Variants in UNC5D observed in about 807,000 individuals in gnomAD.
UNC5D encodes unc-5 netrin receptor D, also known as netrin receptor UNC5D.
UNC5D carries 39 observed loss-of-function variants against 105.4 expected under a neutral mutation model. That is an observed-to-expected ratio of 0.37 (90% CI 0.29 to 0.48). UNC5D has a LOEUF of 0.48. UNC5D is among the 20% of genes least tolerant of loss of function. The pLI is 0.98. For synonymous variants in UNC5D, 452 were observed against 450.4 expected, an observed-to-expected ratio of 1.00 and a Z score of -0.04; for missense variants, 991 against 1,202.4, an observed-to-expected ratio of 0.82 and a Z score of 2.60.
At chr8:35,464,733 T>C (rs1347287143) in intron 1 of UNC5D, among the ~76,000 whole-genome samples, 1 of 152,234 alleles carries the variant, frequency 6.6e-6, no homozygotes, top group Non-Finnish European at 1.5e-5. Context: ...TTTTATTGAC[T>C]CATGTAGCTT....
At chr8:35,463,666 G>A (rs533771389) in intron 1 of UNC5D, among the ~76,000 whole-genome samples, 25 of 150,210 alleles carry the variant, frequency 1.7e-4, no homozygotes, top group East Asian at 3.9e-4. Flanking sequence ...CACACCTGCC[G>A]TCCCAGCTAC....
chr8:35,510,820 G>A (rs992411140), intron 1 of UNC5D, among the ~76,000 whole-genome samples: 2 of 152,128 alleles, frequency 1.3e-5, no homozygotes, highest in Non-Finnish European at 2.9e-5. Flanking sequence ...CCAGGAAAAT[G>A]GATGTTTTCA....
chr8:35,580,798 T>C (rs2589351), intron 3 of UNC5D, among the ~76,000 whole-genome samples: 15,905 of 152,212 alleles, frequency 0.1, 888 homozygotes, highest in African/African-American at 0.14. Context: ...AGTCAACTCC[T>C]TCCCAAAGTT....
chr8:35,401,045 A>G (rs1394383244), intron 1 of UNC5D, among the ~76,000 whole-genome samples: 1 of 152,194 alleles, frequency 6.6e-6, no homozygotes, highest in Non-Finnish European at 1.5e-5. Flanking sequence ...ATAAACATCA[A>G]CATTATATAA....
intron 1 of UNC5D, among the ~76,000 whole-genome samples, chr8:35,360,330 C>A (rs913524428): frequency 6.6e-6 from 1 of 152,126 alleles, no homozygotes; most frequent in Non-Finnish European, 1.5e-5. Flanking sequence ...ATACTAGAAG[C>A]TTTCATTTTT....
intron 1 of UNC5D, among the ~76,000 whole-genome samples, chr8:35,336,541 C>G (rs1811055047): frequency 6.6e-6 from 1 of 152,116 alleles, no homozygotes; most frequent in Non-Finnish European, 1.5e-5. Flanking sequence ...AATGCTGCTA[C>G]TCTTTTGGTC....
At chr8:35,459,018 C>T (rs571141142) in intron 1 of UNC5D, among the ~76,000 whole-genome samples, 1 of 152,234 alleles carries the variant, frequency 6.6e-6, no homozygotes, top group African/African-American at 2.4e-5. Context: ...TTATTTCTCC[C>T]TTGACCTCCA....
In UNC5D at chr8:35,559,614, T is replaced by C. The variant is rs573070070; in HGVS notation, c.323-8484T>C. On this transcript the variant is annotated intron_variant, in intron 2 of 16. Coordinates refer to ENST00000404895, the MANE Select transcript of UNC5D (RefSeq NM_080872.4). ...GGGCTGGGGTTGGCATGGTACTGAATGTTAACTACTATTCCAGAATTCTCT... is the reference window on the plus strand; with the variant it reads ...GGGCTGGGGTTGGCATGGTACTGAACGTTAACTACTATTCCAGAATTCTCT... Among the ~76,000 whole-genome samples the C allele has an allele frequency of 2.0e-5, 3 of 152,346 alleles. No homozygotes were observed. In the East Asian group the frequency reaches 5.8e-4, roughly 29 times the overall value.
chr8:35,767,179 A>G, intron 15 of UNC5D, 113 bp downstream of exon 15: 1 of 1,256,490 alleles, frequency 8.0e-7, no homozygotes, highest in Non-Finnish European at 1.1e-6. Flanking sequence ...CAAAATGCAC[A>G]AACTCTTCAT....
chr8:35,347,445 C>T (rs1429009516), intron 1 of UNC5D, among the ~76,000 whole-genome samples: 1 of 151,970 alleles, frequency 6.6e-6, no homozygotes, highest in East Asian at 1.9e-4. Context: ...TCGTTATTTT[C>T]ATTGCAGCCA....
intron 1 of UNC5D, among the ~76,000 whole-genome samples, chr8:35,386,375 G>A (rs1392135069): frequency 6.6e-6 from 1 of 152,144 alleles, no homozygotes; most frequent in East Asian, 1.9e-4. Context: ...AAATCACTCA[G>A]CCCTGAGAGC....
At chr8:35,276,786 G>A (rs1164321820) in intron 1 of UNC5D, among the ~76,000 whole-genome samples, 1 of 152,166 alleles carries the variant, frequency 6.6e-6, no homozygotes, top group East Asian at 1.9e-4. Context: ...TTATACAGAG[G>A]CTGTAATGTA....
intron 16 of UNC5D, 77 bp from the exon 17 acceptor site, chr8:35,790,282 T>C (rs1461680618): frequency 1.4e-6 from 2 of 1,450,290 alleles, no homozygotes; most frequent in African/African-American, 1.4e-5. Context: ...CATTTTTAAT[T>C]CTCTTATGGT....
intron 1 of UNC5D, among the ~76,000 whole-genome samples, chr8:35,317,186 C>T (rs1809371352): frequency 6.6e-6 from 1 of 152,124 alleles, no homozygotes; most frequent in Non-Finnish European, 1.5e-5. Context: ...CTTCCATCGA[C>T]ATTTTCTATT....
intron 1 of UNC5D, among the ~76,000 whole-genome samples, chr8:35,265,843 C>T (rs1804825767): frequency 6.7e-6 from 1 of 149,614 alleles, no homozygotes; most frequent in Admixed American, 6.7e-5. Flanking sequence ...GCATTCCAGC[C>T]TGAGCGACAG....
intron 1 of UNC5D, among the ~76,000 whole-genome samples, chr8:35,247,156 A>T (rs1320420362): frequency 6.6e-6 from 1 of 152,076 alleles, no homozygotes; most frequent in African/African-American, 2.4e-5. Flanking sequence ...GGCACAAAGG[A>T]ATTCAAAAGA....
intron 4 of UNC5D, among the ~76,000 whole-genome samples, chr8:35,679,015 G>A (rs1036703920): frequency 6.6e-6 from 1 of 152,036 alleles, no homozygotes; most frequent in African/African-American, 2.4e-5. Context: ...CACTTTAAGA[G>A]GCCAAGGTGG....
At chr8:35,309,457 G>T (rs1413103299) in intron 1 of UNC5D, among the ~76,000 whole-genome samples, 1 of 152,110 alleles carries the variant, frequency 6.6e-6, no homozygotes, top group Non-Finnish European at 1.5e-5. Flanking sequence ...CTCAGGATTT[G>T]TGGGTCTTTG....
chr8:35,343,206 TC>T, intron 1 of UNC5D, among the ~76,000 whole-genome samples: 1 of 152,078 alleles, frequency 6.6e-6, no homozygotes, highest in East Asian at 1.9e-4. Flanking sequence ...AAACTGTTTC[TC>T]CTCTGATCTG....
Sources: allele counts gnomAD v4.1 joint callset (sites outside exome capture counted in the v4.1 genomes callset), GRCh38; gene constraint gnomAD v4.1.1; transcripts MANE v1.5; gene names NCBI Gene and HGNC (gene_info 2026-07-23, HGNC 2026-07-21).